SMAD2: variants seen among roughly 807,000 people sequenced by gnomAD.
The protein encoded by SMAD2 is MAD homolog 2.
SMAD2 carries 8 observed loss-of-function variants against 64.4 expected under a neutral mutation model. That is an observed-to-expected ratio of 0.12 (90% CI 0.07 to 0.22). The LOEUF (loss-of-function observed/expected upper bound fraction) is 0.22, where lower values mean the gene tolerates loss of function less well. Among genes scored for constraint, SMAD2 ranks in the 10% least tolerant of loss-of-function variants. The pLI is 1.00. For synonymous variants in SMAD2, 203 were observed against 195.8 expected, an observed-to-expected ratio of 1.04 and a Z score of -0.31; for missense variants, 289 against 561.2, an observed-to-expected ratio of 0.51 and a Z score of 4.90.
At position 47,834,354 on chromosome 18, in the gene SMAD2, A is replaced by G. The variant is rs1913207141; in HGVS notation, c.*7473T>C. 4.8e-6 allele frequency: 1 copy of G among 207,556 alleles called. No individual in the cohort carries two copies. The highest frequency in any genetic ancestry group is 9.8e-6 in the Non-Finnish European group (1 of 101,806). The allele number at this position is 207,556 out of a possible 1,614,324, so 12.9% of individuals were successfully genotyped here. A position where few individuals can be genotyped will look rare whatever the true frequency, so the allele number is the denominator to read the frequency against. On this transcript the variant is annotated 3_prime_UTR_variant, in exon 11 of 11. Transcript: ENST00000262160. ...GGAGAATCGCTTTTGGGCAGTGGTT[A>G]AGGCCTCTGATGTGCTACTTATCAG...
At chr18:47,867,129 C>T (rs1393295520) in intron 5 of SMAD2, 1 of 152,126 alleles carries the variant, frequency 6.6e-6, no homozygotes, top group Non-Finnish European at 1.5e-5. Flanking sequence ...CCCGGGTTTT[C>T]CCTCCTCCTA....
intron 2 of SMAD2, among the ~76,000 whole-genome samples, chr18:47,889,902 G>A (rs1363163802): frequency 2.0e-5 from 3 of 152,194 alleles, no homozygotes; most frequent in Non-Finnish European, 2.9e-5. Context: ...GACAAGAAAA[G>A]AGGGTATATT....
chr18:47,844,133 G>A (rs187342570), intron 10 of SMAD2, among the ~76,000 whole-genome samples: 4 of 152,114 alleles, frequency 2.6e-5, no homozygotes, highest in African/African-American at 9.6e-5. Context: ...ATCACAAAAT[G>A]AATTATTCTA....
At chr18:47,851,378 C>A (rs1598764751) in intron 6 of SMAD2, 51 bp from the exon 7 acceptor site, 1 of 1,203,312 alleles carries the variant, frequency 8.3e-7, no homozygotes, top group South Asian at 1.2e-5. Flanking sequence ...AACTTCTGAT[C>A]AAGTAATCAT....
At chr18:47,843,713 C>G (rs924481920) in intron 10 of SMAD2, among the ~76,000 whole-genome samples, 9 of 152,120 alleles carry the variant, frequency 5.9e-5, no homozygotes, top group Non-Finnish European at 1.2e-4. Flanking sequence ...CTTGATTTTC[C>G]AAAGTCAGAT....
chr18:47,898,661 A>AT (rs36091117), intron 1 of SMAD2, among the ~76,000 whole-genome samples: 87,058 of 150,630 alleles, frequency 0.58, 25,455 homozygotes, highest in East Asian at 0.85. Context: ...TGGAAGAATA[A>AT]TTTTTTTTTT....
intron 2 of SMAD2, among the ~76,000 whole-genome samples, chr18:47,872,459 G>GTA (rs1247208164): frequency 1.3e-5 from 2 of 151,728 alleles, no homozygotes; most frequent in African/African-American, 4.8e-5. Context: ...AAACAATATG[G>GTA]TATAACAACT....
Position 47,865,139 on chromosome 18 carries a change from A to G in SMAD2, c.656-6T>C, listed in dbSNP as rs2031464771. ...ATATCCAGGAGGTGGCGTTTCTACA[A>G]AAGTTTAAAACAAATCAAGCACAGC... On this transcript the variant is annotated splice_polypyrimidine_tract_variant and splice_region_variant and intron_variant, in intron 5 of 10. Transcript: ENST00000262160. 6.3e-7 allele frequency: 1 copy of G among 1,580,210 alleles called. No homozygotes were observed. Among genetic ancestry groups the G allele is most frequent in the South Asian group, 1.1e-5 (1 of 90,336 alleles).
intron 6 of SMAD2, among the ~76,000 whole-genome samples, chr18:47,863,157 A>AC (rs1426639611): frequency 6.6e-6 from 1 of 152,200 alleles, no homozygotes; most frequent in African/African-American, 2.4e-5. Context: ...AACCAGAGTT[A>AC]GAGAGGTGGC....
chr18:47,839,189 G>A lies in SMAD2; in HGVS notation c.*2638C>T, dbSNP rs1913711419. 3 of 233,306 alleles carry A rather than the reference G, an allele frequency of 1.3e-5. No individual in the cohort carries two copies. In the East Asian group the frequency reaches 1.8e-4, roughly 14 times the overall value. 14.5% of individuals were successfully genotyped at this position (233,306 alleles called of 1,614,324 possible). ...AAGAGTTGAGTCCCAATTTCATACT[G>A]TACAGAAAAATCGCATCAGAACTGT... On this transcript the variant is annotated 3_prime_UTR_variant, in exon 11 of 11. Transcript: ENST00000262160.
intron 1 of SMAD2, among the ~76,000 whole-genome samples, chr18:47,904,582 C>T (rs1183889111): frequency 2.6e-5 from 4 of 152,024 alleles, no homozygotes; most frequent in East Asian, 1.9e-4. Flanking sequence ...CCCAAGATCC[C>T]GTACTAATAC....
At chr18:47,874,474 T>C (rs1324790036) in intron 2 of SMAD2, among the ~76,000 whole-genome samples, 1 of 152,192 alleles carries the variant, frequency 6.6e-6, no homozygotes, top group Non-Finnish European at 1.5e-5. Context: ...CACTGGTATA[T>C]GCATTTGTTG....
At chr18:47,846,339 G>C (rs904091732) in intron 8 of SMAD2, among the ~76,000 whole-genome samples, 14 of 152,010 alleles carry the variant, frequency 9.2e-5, no homozygotes, top group African/African-American at 1.2e-4. Context: ...TTCAGAATCT[G>C]AGAGATCACA....
intron 2 of SMAD2, among the ~76,000 whole-genome samples, chr18:47,893,506 A>G (rs1405065932): frequency 2.6e-5 from 4 of 152,188 alleles, no homozygotes; most frequent in South Asian, 2.1e-4. Context: ...CTTTACTAAC[A>G]TTTTACTTGA....
intron 5 of SMAD2, chr18:47,866,988 C>T (rs1277792287): frequency 6.6e-6 from 1 of 152,176 alleles, no homozygotes; most frequent in African/African-American, 2.4e-5. Flanking sequence ...CATGTTTATA[C>T]CTAAGGTTAG....
rs935871379 is a variant in SMAD2 at position 47,824,965 on chromosome 18, A to G, written c.*16862T>C. The G allele has an allele frequency of 2.6e-5, 4 of 152,222 alleles. No individual in the cohort carries two copies. The highest frequency in any genetic ancestry group is 6.5e-5 in the Admixed American group (1 of 15,294). The allele number at this position is 152,222 out of a possible 1,614,324, so 9.4% of individuals were successfully genotyped here. A position where few individuals can be genotyped will look rare whatever the true frequency, so the allele number is the denominator to read the frequency against. On this transcript the variant is annotated 3_prime_UTR_variant, in exon 11 of 11. Transcript: ENST00000262160. ...TGAAGCTTCAAACATTTTCCATTGA[A>G]TATACACAGACATACAAATAAAGAC...
chr18:47,835,085 C>T lies in SMAD2; in HGVS notation c.*6742G>A. ...ACTGCAGAACTGTTCTCATCTTAAT[C>T]GCTGTAGTTTTTCTTTCTTTACTCT... On this transcript the variant is annotated 3_prime_UTR_variant, in exon 11 of 11. Coordinates refer to ENST00000262160, the MANE Select transcript of SMAD2 (RefSeq NM_005901.6). 4.6e-6 allele frequency: 1 copy of T among 218,784 alleles called. No homozygotes were observed. Among genetic ancestry groups the T allele is most frequent in the Non-Finnish European group, 9.2e-6 (1 of 109,068 alleles). The allele number at this position is 218,784 out of a possible 1,614,324, so 13.6% of individuals were successfully genotyped here. A position where few individuals can be genotyped will look rare whatever the true frequency, so the allele number is the denominator to read the frequency against.
At position 47,833,247 on chromosome 18, in the gene SMAD2, C is replaced by T. The variant is rs763168619; in HGVS notation, c.*8580G>A. The T allele has an allele frequency of 1.4e-5, 3 of 212,236 alleles. No homozygotes were observed. Among genetic ancestry groups the T allele is most frequent in the Admixed American group, 5.9e-5 (1 of 17,034 alleles). The allele number at this position is 212,236 out of a possible 1,614,324, so 13.1% of individuals were successfully genotyped here. On this transcript the variant is annotated 3_prime_UTR_variant, in exon 11 of 11. Coordinates refer to ENST00000262160, the MANE Select transcript of SMAD2 (RefSeq NM_005901.6). ...GCACACAAATATATATAAAAATTGA[C>T]CAGAAATCACAGGACATGTAAGCAA... is the stretch of plus-strand genomic sequence containing the variant.
intron 1 of SMAD2, among the ~76,000 whole-genome samples, chr18:47,901,840 A>T (rs772134925): frequency 2.6e-5 from 4 of 152,074 alleles, no homozygotes; most frequent in Non-Finnish European, 5.9e-5. Context: ...TTTTTAAGAG[A>T]CTTCTGGTTT....
Sources: gnomAD v4.1 joint callset for allele counts (sites outside exome capture counted in the v4.1 genomes callset) on GRCh38, gnomAD v4.1.1 for gene constraint, MANE v1.5 for transcripts, NCBI Gene and HGNC (gene_info 2026-07-23, HGNC 2026-07-21) for gene names.